MROH2B: variants seen among roughly 807,000 people sequenced by gnomAD.
MROH2B encodes maestro heat-like repeat-containing protein family member 2B.
A neutral mutation model predicts 208.6 loss-of-function variants in MROH2B; 177 were observed. That is an observed-to-expected ratio of 0.85 (90% CI 0.75 to 0.96). MROH2B has a LOEUF of 0.96. Among genes scored for constraint, MROH2B ranks in the 40% least tolerant of loss-of-function variants. The probability of loss-of-function intolerance (pLI) is 0.00; values close to 1 mark genes in which losing one functional copy is unlikely to be tolerated. For missense variants in MROH2B, 2,002 were observed against 1,878.7 expected (o/e 1.07, Z -1.21); for synonymous variants, 728 against 659.0 (o/e 1.10, Z -1.60).
intron 35 of MROH2B, 192 bp downstream of exon 35, chr5:41,005,339 G>T (rs1417408322): frequency 7.1e-6 from 4 of 563,272 alleles, no homozygotes; most frequent in Non-Finnish European, 1.3e-5. Context: ...AGGTGGGTGA[G>T]GTGGTTTATT....
chr5:41,000,926 A>T, intron 37 of MROH2B, 93 bp from the exon 38 acceptor site: 1 of 1,368,864 alleles, frequency 7.3e-7, no homozygotes. Context: ...TTCCCGCTTC[A>T]GCAAAAGAAG....
chr5:41,049,416 C>A lies in MROH2B; in HGVS notation c.1365G>T (p.Leu455=), dbSNP rs1217498784. Residue 455 remains leucine (L), a synonymous_variant, in exon 14 of 42, where the codon CTG becomes CTT. Coordinates refer to ENST00000399564, the MANE Select transcript of MROH2B (RefSeq NM_173489.5). ...GMPQVLWPRI[L]TFVVPAEYTE... ...TGTATTCTGCAGGTACCACAAAAGTCAGGATCCTTGGCCATAGCACCTGTG... is the reference window on the plus strand; with the variant it reads ...TGTATTCTGCAGGTACCACAAAAGTAAGGATCCTTGGCCATAGCACCTGTG... The A allele has an allele frequency of 6.8e-6, 11 of 1,612,660 alleles. No individual in the cohort carries two copies. The highest frequency in any genetic ancestry group is 9.3e-6 in the Non-Finnish European group (11 of 1,179,480).
chr5:40,999,964 T>C (rs1741333756), intron 39 of MROH2B, 185 bp from the exon 40 acceptor site: 3 of 680,318 alleles, frequency 4.4e-6, no homozygotes, highest in Admixed American at 3.0e-5. Context: ...CATCAGAGTT[T>C]AAGGGATTAA....
At chr5:41,044,227 G>T (rs1743048907) in intron 18 of MROH2B, among the ~76,000 whole-genome samples, 1 of 147,518 alleles carries the variant, frequency 6.8e-6, no homozygotes, top group African/African-American at 2.5e-5. Flanking sequence ...TCCAGCCTGG[G>T]TGACAGAGCA....
intron 28 of MROH2B, among the ~76,000 whole-genome samples, chr5:41,015,826 G>A (rs1033124904): frequency 6.6e-6 from 1 of 152,178 alleles, no homozygotes; most frequent in African/African-American, 2.4e-5. Flanking sequence ...TGACACAAAT[G>A]CCCAGGTTCC....
In MROH2B at chr5:41,058,181, T is replaced by C. The variant is rs753212213; in HGVS notation, c.638A>G (p.His213Arg). 2.5e-6 allele frequency: 4 copies of C among 1,599,168 alleles called. No homozygotes were observed. In the African/African-American group the frequency reaches 4.0e-5, roughly 16 times the overall value. Residue 213 changes from histidine (H) to arginine (R), a missense_variant, in exon 7 of 42, where the codon CAC becomes CGC. Physicochemically the swap from His to Arg is conservative, Grantham distance 29. Coordinates refer to ENST00000399564, the MANE Select transcript of MROH2B (RefSeq NM_173489.5). The part of the protein sequence containing the change: ...PMQTLSIVKA[H>R]GPTVSLLLHR... ...CAGCAGCAAGCTCACCGTGGGCCCGTGGGCCTTAACGATGCTCAAAGTCTG... is the reference window on the plus strand; with the variant it reads ...CAGCAGCAAGCTCACCGTGGGCCCGCGGGCCTTAACGATGCTCAAAGTCTG...
chr5:41,001,606 A>T (rs1381448119), intron 37 of MROH2B, among the ~76,000 whole-genome samples: 4 of 152,100 alleles, frequency 2.6e-5, no homozygotes, highest in Non-Finnish European at 5.9e-5. Flanking sequence ...AGCTACAGCT[A>T]CTTGGGAGGG....
chr5:41,071,119 A>T lies in MROH2B; in HGVS notation c.-267T>A. On this transcript the variant is annotated 5_prime_UTR_variant, in exon 1 of 42. Coordinates refer to ENST00000399564, the MANE Select transcript of MROH2B (RefSeq NM_173489.5). ...ACCAACAAAATGGCTGCATCTCACCAAATATTGTCCCTTTGGTGACCAGAG... is the reference window on the plus strand; with the variant it reads ...ACCAACAAAATGGCTGCATCTCACCTAATATTGTCCCTTTGGTGACCAGAG... The T allele has an allele frequency of 2.4e-6, 1 of 421,210 alleles. No individual in the cohort carries two copies. The highest frequency in any genetic ancestry group is 4.3e-6 in the Non-Finnish European group (1 of 234,666). 26.1% of individuals were successfully genotyped at this position (421,210 alleles called of 1,614,324 possible).
chr5:41,008,473 G>A, intron 33 of MROH2B, 133 bp downstream of exon 33: 2 of 970,296 alleles, frequency 2.1e-6, no homozygotes, highest in Non-Finnish European at 3.0e-6. Context: ...GGAGAGTAGA[G>A]CCTTGTAGAG....
At chr5:41,037,131 TTTTA>T (rs1332689774) in intron 21 of MROH2B, among the ~76,000 whole-genome samples, 2 of 152,046 alleles carry the variant, frequency 1.3e-5, no homozygotes, top group East Asian at 1.9e-4. Context: ...TGGGCAATTG[TTTTA>T]TTTATTTATT....
chr5:41,068,003 A>G (rs1266156097), intron 2 of MROH2B, among the ~76,000 whole-genome samples: 1 of 152,198 alleles, frequency 6.6e-6, no homozygotes, highest in Non-Finnish European at 1.5e-5. Flanking sequence ...CTCTGCAGAC[A>G]GAAAGTTGTG....
intron 24 of MROH2B, among the ~76,000 whole-genome samples, chr5:41,028,017 A>T (rs773304115): frequency 6.6e-6 from 1 of 151,510 alleles, no homozygotes; most frequent in Non-Finnish European, 1.5e-5. Context: ...GGTGGGGAAC[A>T]TCACACACCA....
chr5:41,034,941 T>A (rs1742705621), intron 21 of MROH2B, among the ~76,000 whole-genome samples: 1 of 151,998 alleles, frequency 6.6e-6, no homozygotes, highest in Admixed American at 6.6e-5. Flanking sequence ...CTGAAAGAAA[T>A]CAGAGATGAC....
At position 41,027,237 on chromosome 5, in the gene MROH2B, C is replaced by G. The variant is rs542351495; in HGVS notation, c.2441+5505G>C. 3.1e-4 allele frequency among the ~76,000 whole-genome samples: 47 copies of G among 152,282 alleles called. No homozygotes were observed. In the South Asian group the frequency reaches 9.7e-3, roughly 32 times the overall value. Reference sequence around the variant, plus strand: ...TCTGCACAGCAAAAGAAACTACCATCAGAGTGAACAGACAACCTACAAAAT... The same window carrying G: ...TCTGCACAGCAAAAGAAACTACCATGAGAGTGAACAGACAACCTACAAAAT... On this transcript the variant is annotated intron_variant, in intron 24 of 41. Coordinates refer to ENST00000399564, the MANE Select transcript of MROH2B (RefSeq NM_173489.5).
chr5:41,020,702 C>A (rs1022079540), intron 24 of MROH2B, among the ~76,000 whole-genome samples: 1 of 151,866 alleles, frequency 6.6e-6, no homozygotes, highest in Non-Finnish European at 1.5e-5. Context: ...TTAAAACAGG[C>A]AACAATTATG....
Position 41,052,415 on chromosome 5 carries a change from C to G in MROH2B, c.1230+50G>C, listed in dbSNP as rs201041083. ...TTTTTTAAAAAGAAACATAGTTGAG[C>G]GAACTGTACTTTTTATAGTGCATCA... is the stretch of plus-strand genomic sequence containing the variant. On this transcript the variant is annotated intron_variant, in intron 12 of 41. Coordinates refer to ENST00000399564, the MANE Select transcript of MROH2B (RefSeq NM_173489.5). The G allele has an allele frequency of 1.2e-4, 177 of 1,476,062 alleles. 1 individual carries two copies. Among genetic ancestry groups the G allele is most frequent in the Middle Eastern group, 1.1e-3 (6 of 5,558 alleles). 91.4% of individuals were successfully genotyped at this position (1,476,062 alleles called of 1,614,324 possible).
At chr5:41,021,964 G>A (rs543318909) in intron 24 of MROH2B, among the ~76,000 whole-genome samples, 2 of 152,158 alleles carry the variant, frequency 1.3e-5, no homozygotes. Flanking sequence ...TACGACAAGG[G>A]TGCCAAGACC....
intron 17 of MROH2B, among the ~76,000 whole-genome samples, chr5:41,046,822 A>G (rs1743136129): frequency 6.6e-6 from 1 of 152,174 alleles, no homozygotes; most frequent in African/African-American, 2.4e-5. Flanking sequence ...ACATAAAAGA[A>G]CCATAAATAT....
chr5:41,003,917 C>G (rs1421128743), intron 37 of MROH2B, among the ~76,000 whole-genome samples: 1 of 152,014 alleles, frequency 6.6e-6, no homozygotes, highest in African/African-American at 2.4e-5. Flanking sequence ...TTTGAAATTG[C>G]GATTATGGAG....
Sources: gnomAD v4.1 joint callset for allele counts (sites outside exome capture counted in the v4.1 genomes callset) on GRCh38, gnomAD v4.1.1 for gene constraint, MANE v1.5 for transcripts, NCBI Gene and HGNC (gene_info 2026-07-23, HGNC 2026-07-21) for gene names.